FABP12: variants seen among roughly 807,000 people sequenced by gnomAD.
FABP12 encodes fatty acid binding protein 12.
FABP12 carries 19 observed loss-of-function variants against 13.7 expected under a neutral mutation model. The ratio of observed to expected loss-of-function variants is 1.39; its 90% CI spans 0.97 to 2.04. The LOEUF (loss-of-function observed/expected upper bound fraction) is 2.04, where lower values mean the gene tolerates loss of function less well. FABP12 is among the 30% of genes most tolerant of loss of function. The pLI is 0.00. For missense variants in FABP12, 182 were observed against 164.2 expected (o/e 1.11, Z -0.59); for synonymous variants, 61 against 57.0 (o/e 1.07, Z -0.32).
At chr8:81,529,550 G>A (rs369455447) in exon 3 of FABP12, 2 of 1,613,788 alleles carry the variant, frequency 1.2e-6, no homozygotes, top group African/African-American at 2.7e-5. Context: ...ATCTCCATCT[G>A]TACTGATGGT....
intron 2 of FABP12, 138 bp downstream of exon 2, chr8:81,531,105 G>C (rs986482000): frequency 1.1e-5 from 7 of 659,814 alleles, no homozygotes; most frequent in Admixed American, 2.9e-5. Flanking sequence ...ACTATATCCT[G>C]GTACTCAATC....
intron 1 of FABP12, among the ~76,000 whole-genome samples, chr8:81,566,064 A>G (rs923343444): frequency 2.0e-5 from 3 of 152,060 alleles, no homozygotes; most frequent in Non-Finnish European, 4.4e-5. Flanking sequence ...TGGAAAATCT[A>G]GAGGACATGA....
intron 1 of FABP12, among the ~76,000 whole-genome samples, chr8:81,582,033 T>C (rs548265232): frequency 1.3e-5 from 2 of 150,258 alleles, no homozygotes; most frequent in South Asian, 4.2e-4. Context: ...ATTAATAAAA[T>C]GAAATAAGCA....
At position 81,544,346 on chromosome 8, in the gene FABP12, C is replaced by A. The variant is rs144582357; in HGVS notation, c.-184-4603G>T. 6.9e-3 allele frequency among the ~76,000 whole-genome samples: 1,048 copies of A among 152,320 alleles called. 11 individuals carry two copies. Among genetic ancestry groups the A allele is most frequent in the South Asian group, 0.037 (180 of 4,822 alleles). ...CCTCTGAAGTTTCTAGGGGAAAATT[C>A]GGCCTTGCCTTTTCCAGCTTCTGGT... On this transcript the variant is annotated intron_variant, in intron 1 of 5. Transcript: ENST00000692030.
At chr8:81,554,686 C>G (rs1809577300) in intron 1 of FABP12, among the ~76,000 whole-genome samples, 1 of 152,046 alleles carries the variant, frequency 6.6e-6, no homozygotes, top group South Asian at 2.1e-4. Flanking sequence ...AAGAACCAAC[C>G]TTGAACTATG....
intron 1 of FABP12, among the ~76,000 whole-genome samples, chr8:81,543,604 G>A (rs1809388325): frequency 6.6e-6 from 1 of 152,166 alleles, no homozygotes; most frequent in Middle Eastern, 3.2e-3. Context: ...GTATATAAAA[G>A]TATGTATACC....
chr8:81,559,647 G>T (rs1054624082), intron 1 of FABP12, among the ~76,000 whole-genome samples: 1 of 152,210 alleles, frequency 6.6e-6, no homozygotes, highest in Non-Finnish European at 1.5e-5. Flanking sequence ...AGACCTCAAA[G>T]GATGAGTCTT....
At chr8:81,527,655 C>T (rs1475965262) in intron 3 of FABP12, among the ~76,000 whole-genome samples, 2 of 152,204 alleles carry the variant, frequency 1.3e-5, no homozygotes, top group Non-Finnish European at 2.9e-5. Flanking sequence ...AGCCACCACA[C>T]CCGGCCATGA....
At chr8:81,551,564 G>T (rs1377546601) in intron 1 of FABP12, among the ~76,000 whole-genome samples, 3 of 152,156 alleles carry the variant, frequency 2.0e-5, no homozygotes, top group Admixed American at 6.6e-5. Flanking sequence ...CTATGTGTGG[G>T]TTTGAAATGC....
chr8:81,553,432 T>C (rs1223072378), intron 1 of FABP12, among the ~76,000 whole-genome samples: 2 of 152,220 alleles, frequency 1.3e-5, no homozygotes, highest in Middle Eastern at 3.2e-3. Context: ...ACAGTGCTAT[T>C]GTACCAATTT....
At chr8:81,528,079 G>A (rs185490825) in intron 3 of FABP12, among the ~76,000 whole-genome samples, 2 of 151,804 alleles carry the variant, frequency 1.3e-5, no homozygotes, top group Non-Finnish European at 2.9e-5. Context: ...AGTTTTTTTT[G>A]TTGTTGTTGT....
chr8:81,570,256 A>G (rs1351614164), intron 1 of FABP12, among the ~76,000 whole-genome samples: 1 of 152,202 alleles, frequency 6.6e-6, no homozygotes, highest in Non-Finnish European at 1.5e-5. Context: ...CCAAAGGGCT[A>G]CAGATCTTCT....
chr8:81,564,607 A>C (rs539059561), intron 1 of FABP12, among the ~76,000 whole-genome samples: 1 of 152,230 alleles, frequency 6.6e-6, no homozygotes, highest in East Asian at 1.9e-4. Context: ...AATTGGCCCT[A>C]AGTTGTCATC....
chr8:81,566,665 C>T (rs950461547), intron 1 of FABP12, among the ~76,000 whole-genome samples: 21 of 151,910 alleles, frequency 1.4e-4, no homozygotes. Flanking sequence ...TATCTCAACA[C>T]ACTAAAAGCC....
chr8:81,550,991 A>C (rs554016734), intron 1 of FABP12, among the ~76,000 whole-genome samples: 1 of 152,280 alleles, frequency 6.6e-6, no homozygotes, highest in African/African-American at 2.4e-5. Flanking sequence ...AGAGTGGGTA[A>C]ATAGTATCTG....
chr8:81,534,145 C>T (rs757207892), upstream of FABP12, among the ~76,000 whole-genome samples: 5 of 152,012 alleles, frequency 3.3e-5, no homozygotes, highest in Non-Finnish European at 2.9e-5. Flanking sequence ...ACACCATACA[C>T]ATTATATTGC....
chr8:81,550,166 G>A (rs968259425), intron 1 of FABP12, among the ~76,000 whole-genome samples: 2 of 152,126 alleles, frequency 1.3e-5, no homozygotes, highest in Non-Finnish European at 2.9e-5. Flanking sequence ...AAAGAAATAT[G>A]TATTGGGTAC....
intron 2 of FABP12, among the ~76,000 whole-genome samples, chr8:81,529,924 C>CT (rs1351233175): frequency 6.6e-6 from 1 of 152,126 alleles, no homozygotes; most frequent in Non-Finnish European, 1.5e-5. Context: ...TTTTGAACCC[C>CT]TTTGAAAATC....
chr8:81,563,511 T>C (rs553772912), intron 1 of FABP12, among the ~76,000 whole-genome samples: 2 of 152,208 alleles, frequency 1.3e-5, no homozygotes, highest in South Asian at 4.2e-4. Flanking sequence ...ATAAGTAATT[T>C]TGAGGAAACA....
Sources: allele counts gnomAD v4.1 joint callset (sites outside exome capture counted in the v4.1 genomes callset), GRCh38; gene constraint gnomAD v4.1.1; transcripts MANE v1.5; gene names NCBI Gene and HGNC (gene_info 2026-07-23, HGNC 2026-07-21).